Variants in PIKFYVE observed in about 807,000 individuals in gnomAD.
PIKFYVE encodes the protein phosphoinositide kinase, FYVE-type zinc finger containing.
A neutral mutation model predicts 257.9 loss-of-function variants in PIKFYVE; 122 were observed. The observed-to-expected ratio is 0.47, with a 90% CI of 0.41 to 0.55. The LOEUF is 0.55. Among genes scored for constraint, PIKFYVE ranks in the 20% least tolerant of loss-of-function variants. The probability of loss-of-function intolerance (pLI) is 0.00; values close to 1 mark genes in which losing one functional copy is unlikely to be tolerated. For synonymous variants in PIKFYVE, 892 were observed against 868.9 expected (o/e 1.03, Z -0.47); for missense variants, 2,160 against 2,536.6 (o/e 0.85, Z 3.19).
At chr2:208,314,525 T>C in intron 14 of PIKFYVE, 102 bp downstream of exon 14, 1 of 1,319,774 alleles carries the variant, frequency 7.6e-7, no homozygotes, top group Non-Finnish European at 1.0e-6. Context: ...GTCTTTTTCT[T>C]TTTCCTTAGA....
At chr2:208,352,482 G>A (rs571859858) in intron 38 of PIKFYVE, among the ~76,000 whole-genome samples, 172 bp from the exon 39 acceptor site, 1 of 152,072 alleles carries the variant, frequency 6.6e-6, no homozygotes, top group Non-Finnish European at 1.5e-5. Context: ...ATTTTTATTG[G>A]CATTGCTGCT....
At chr2:208,276,165 G>A (rs1230016898) in intron 3 of PIKFYVE, among the ~76,000 whole-genome samples, 1 of 152,138 alleles carries the variant, frequency 6.6e-6, no homozygotes, top group African/African-American at 2.4e-5. Context: ...TGCCATCCTG[G>A]ATGTTGTGAA....
Position 208,325,391 on chromosome 2 carries a change from C to T in PIKFYVE, c.2580C>T (p.Ile860=), listed in dbSNP as rs1205776706. The change falls in exon 20 of 42, where the codon ATC becomes ATT. Residue 860 remains isoleucine (I), a synonymous_variant. Coordinates refer to ENST00000264380, the MANE Select transcript of PIKFYVE (RefSeq NM_015040.4). ...ARVKEILIFM[I]CVAYHSQLEI... is the part of the protein sequence containing the mutation. The stretch of plus-strand genomic sequence containing the variant: ...TTAAGGAGATCCTAATATTTATGAT[C>T]TGTGTTGCTTATCATTCTCAACTAG... 18 of 1,614,134 alleles carry T rather than the reference C, an allele frequency of 1.1e-5. No individual in the cohort carries two copies. In the East Asian group the frequency reaches 4.0e-4, roughly 36 times the overall value.
chr2:208,330,302 A>G (rs1697385225), intron 22 of PIKFYVE, among the ~76,000 whole-genome samples: 1 of 152,224 alleles, frequency 6.6e-6, no homozygotes, highest in Non-Finnish European at 1.5e-5. Flanking sequence ...CCCTAGAATT[A>G]TCAGAAGGTA....
chr2:208,283,557 G>A (rs574871319), intron 5 of PIKFYVE, among the ~76,000 whole-genome samples: 72 of 152,152 alleles, frequency 4.7e-4, no homozygotes, highest in African/African-American at 1.6e-3. Flanking sequence ...AAGTCTTTCT[G>A]CAGGGAGTAA....
At chr2:208,349,532 A>G (rs1006863095) in intron 35 of PIKFYVE, among the ~76,000 whole-genome samples, 7 of 149,996 alleles carry the variant, frequency 4.7e-5, no homozygotes, top group African/African-American at 1.5e-4. Flanking sequence ...TATATATGTT[A>G]TAGGCTAATA....
chr2:208,315,238 C>G lies in PIKFYVE; in HGVS notation c.1872C>G (p.Leu624=), dbSNP rs779674097. 3 of 1,614,108 alleles carry G rather than the reference C, an allele frequency of 1.9e-6. No homozygotes were observed. The highest frequency in any genetic ancestry group is 2.5e-6 in the Non-Finnish European group (3 of 1,179,976). The change falls in exon 15 of 42, where the codon CTC becomes CTG. Residue 624 remains leucine, a synonymous_variant. Coordinates refer to ENST00000264380, the MANE Select transcript of PIKFYVE (RefSeq NM_015040.4). The part of the protein sequence containing the change: ...NHMMALLQQL[L]HSDSLSSSWR... ...TGATGGCACTACTCCAGCAGTTGCT[C>G]CATAGTGACTCACTGTCATCATCTT...
rs1385131532 is a variant in PIKFYVE at position 208,280,356 on chromosome 2, T to C, written c.613+2648T>C. 5.9e-5 allele frequency among the ~76,000 whole-genome samples: 9 copies of C among 152,308 alleles called. No individual in the cohort carries two copies. In the East Asian group the frequency reaches 1.7e-3, roughly 29 times the overall value. ...TGGGGAAATAACCATAGAGTGAGTT[T>C]GGGGACTCACTAAACTCACAGTGAG... On this transcript the variant is annotated intron_variant, in intron 5 of 41. Transcript: ENST00000264380.
intron 29 of PIKFYVE, 21 bp from the exon 30 acceptor site, chr2:208,339,397 T>C: frequency 6.2e-7 from 1 of 1,613,586 alleles, no homozygotes; most frequent in Non-Finnish European, 8.5e-7. Flanking sequence ...ATGACTCATT[T>C]AAGATTGTGT....
intron 17 of PIKFYVE, among the ~76,000 whole-genome samples, chr2:208,323,722 A>T (rs1438743801): frequency 1.3e-5 from 2 of 152,216 alleles, no homozygotes; most frequent in East Asian, 3.8e-4. Context: ...TTACAGTCCC[A>T]CCAACAGTGT....
chr2:208,326,156 C>T lies in PIKFYVE; in HGVS notation c.3345C>T (p.Gly1115=). ...TCAGGGATCTCTCTGGACTTCAGGGCATGAATGGAAGTATTCAGGCCAAGT... is the reference window on the plus strand; with the variant it reads ...TCAGGGATCTCTCTGGACTTCAGGGTATGAATGGAAGTATTCAGGCCAAGT... ...QLLRDLSGLQ[G]MNGSIQAKSI... is the part of the protein sequence containing the mutation. Residue 1115 remains glycine (G), a synonymous_variant, in exon 20 of 42, where the codon GGC becomes GGT. Coordinates refer to ENST00000264380, the MANE Select transcript of PIKFYVE (RefSeq NM_015040.4). The T allele has an allele frequency of 6.2e-7, 1 of 1,613,936 alleles. No individual in the cohort carries two copies. Among genetic ancestry groups the T allele is most frequent in the African/African-American group, 1.3e-5 (1 of 75,014 alleles).
chr2:208,277,081 C>T (rs1690207071), intron 4 of PIKFYVE, among the ~76,000 whole-genome samples: 1 of 152,086 alleles, frequency 6.6e-6, no homozygotes, highest in Admixed American at 6.6e-5. Flanking sequence ...TAGATATTCT[C>T]CTATGGTTTC....
At chr2:208,300,475 C>T (rs1002898910) in intron 8 of PIKFYVE, among the ~76,000 whole-genome samples, 11 of 151,468 alleles carry the variant, frequency 7.3e-5, no homozygotes, top group African/African-American at 2.4e-4. Flanking sequence ...ACTTTAGTTG[C>T]TGAGGAACAT....
chr2:208,325,294 T>C lies in PIKFYVE; in HGVS notation c.2483T>C (p.Phe828Ser). ...PNEQTKTLMF[F>S]EGCPQHLGCT... ...GAACAAACCAAGACACTGATGTTTT[T>C]TGAAGGTTGTCCACAGCACCTAGGC... Residue 828 changes from phenylalanine (F) to serine (S), a missense_variant, in exon 20 of 42, where the codon TTT becomes TCT. Around this residue, in one of 12 missense-constraint regions of PIKFYVE, gnomAD observed 522 missense variants for 514.6 expected, o/e 1.01. Transcript: ENST00000264380. 1 of 1,614,052 alleles carries C rather than the reference T, an allele frequency of 6.2e-7. No homozygotes were observed. The highest frequency in any genetic ancestry group is 8.5e-7 in the Non-Finnish European group (1 of 1,179,976).
chr2:208,277,831 A>T lies in PIKFYVE; in HGVS notation c.613+123A>T, dbSNP rs562696968. The T allele has an allele frequency of 2.2e-4, 221 of 986,760 alleles. 2 individuals are homozygous for T. The South Asian group carries it at 2.6e-3, about 12-fold the overall frequency. The allele number at this position is 986,760 out of a possible 1,614,324, so 61.1% of individuals were successfully genotyped here. ...TTATGTGTAAGACATGGGGACACAA[A>T]GGTGAGGGAGACAGCTTTGCTTTTA... On this transcript the variant is annotated intron_variant, in intron 5 of 41. Transcript: ENST00000264380.
chr2:208,286,154 ATCTT>A (rs1297795626), intron 6 of PIKFYVE, among the ~76,000 whole-genome samples: 1 of 152,204 alleles, frequency 6.6e-6, no homozygotes, highest in Non-Finnish European at 1.5e-5. Flanking sequence ...GAGACTTTAC[ATCTT>A]TCTTGTCACT....
intron 5 of PIKFYVE, among the ~76,000 whole-genome samples, chr2:208,281,861 G>C (rs191744246): frequency 1.3e-5 from 2 of 152,190 alleles, no homozygotes; most frequent in Non-Finnish European, 2.9e-5. Context: ...TTGTGTTTCA[G>C]TTCAGTCACT....
chr2:208,277,987 G>C (rs529826739), intron 5 of PIKFYVE, among the ~76,000 whole-genome samples: 54 of 152,296 alleles, frequency 3.5e-4, no homozygotes, highest in African/African-American at 1.2e-3. Flanking sequence ...CGTTAGAGTA[G>C]ATTACTAATT....
chr2:208,334,230 A>G (rs1042959511), intron 24 of PIKFYVE: 1 of 153,058 alleles, frequency 6.5e-6, no homozygotes, highest in Non-Finnish European at 1.5e-5. Context: ...TAGTAGCCTT[A>G]GCAGTCTCCC....
Sources: gnomAD v4.1 joint callset for allele counts (sites outside exome capture counted in the v4.1 genomes callset) on GRCh38, gnomAD v4.1.1 for gene constraint, gnomAD v4.1.1 regional missense constraint, MANE v1.5 for transcripts, NCBI Gene and HGNC (gene_info 2026-07-23, HGNC 2026-07-21) for gene names.